ROR1: variants seen among roughly 807,000 people sequenced by gnomAD.
ROR1 encodes the protein ROR family WNT receptor 1.
ROR1 carries 19 observed loss-of-function variants against 78.8 expected under a neutral mutation model. That is an observed-to-expected ratio of 0.24 (90% confidence interval 0.17 to 0.35). The LOEUF (loss-of-function observed/expected upper bound fraction) is 0.35. Among genes scored for constraint, ROR1 ranks in the 10% least tolerant of loss-of-function variants. The pLI is 1.00. For missense variants in ROR1, 917 were observed against 1,177.8 expected, an observed-to-expected ratio of 0.78 and a Z score of 3.24; for synonymous variants, 386 against 433.6, an observed-to-expected ratio of 0.89 and a Z score of 1.36.
chr1:64,032,913 T>G (rs868154398), intron 2 of ROR1, among the ~76,000 whole-genome samples: 13 of 151,756 alleles, frequency 8.6e-5, no homozygotes, highest in African/African-American at 2.4e-5. Flanking sequence ...GTACCTAGAG[T>G]AGTGAAATTG....
At position 63,847,871 on chromosome 1, in the gene ROR1, G is replaced by A. The variant is rs568858465; in HGVS notation, c.91+73363G>A. ...TCTACTCATCGGTTAGATGGTGCAT[G>A]GGGATGATTCTTCTGTGATGTGGAG... is the stretch of plus-strand genomic sequence containing the variant. On this transcript the variant is annotated intron_variant, in intron 1 of 8. Coordinates refer to ENST00000371079, the MANE Select transcript of ROR1 (RefSeq NM_005012.4). 2.6e-5 allele frequency among the ~76,000 whole-genome samples: 4 copies of A among 152,276 alleles called. No individual in the cohort carries two copies. In the South Asian group the frequency reaches 6.2e-4, roughly 24 times the overall value.
intron 1 of ROR1, among the ~76,000 whole-genome samples, chr1:63,784,861 G>T (rs959576177): frequency 1.3e-5 from 2 of 152,202 alleles, no homozygotes; most frequent in Non-Finnish European, 2.9e-5. Context: ...CTTCCTTTAA[G>T]ATTTTTCACA....
intron 4 of ROR1, among the ~76,000 whole-genome samples, chr1:64,096,836 G>A (rs1156289017): frequency 6.6e-6 from 1 of 151,742 alleles, no homozygotes; most frequent in East Asian, 1.9e-4. Flanking sequence ...TTCCACAGTG[G>A]TTGAACTAAT....
At chr1:64,174,078 C>T (rs1455018013) in intron 8 of ROR1, among the ~76,000 whole-genome samples, 1 of 152,062 alleles carries the variant, frequency 6.6e-6, no homozygotes, top group African/African-American at 2.4e-5. Context: ...GGATCTAAAT[C>T]ATTTGCATTA....
chr1:64,115,569 T>C lies in ROR1; in HGVS notation c.483-21800T>C, dbSNP rs1037103197. On this transcript the variant is annotated intron_variant, in intron 4 of 8. Coordinates refer to ENST00000371079, the MANE Select transcript of ROR1 (RefSeq NM_005012.4). ...AAGAGGGTAAATAGAACTTACCTCT[T>C]ATGGTTGTAACGATAAATAAATAAG... is the stretch of plus-strand genomic sequence containing the variant. Among the ~76,000 whole-genome samples the C allele has an allele frequency of 6.6e-5, 10 of 151,888 alleles. No homozygotes were observed. In the East Asian group the frequency reaches 1.7e-3, roughly 26 times the overall value.
At chr1:63,826,118 G>A (rs1193355807) in intron 1 of ROR1, among the ~76,000 whole-genome samples, 2 of 152,144 alleles carry the variant, frequency 1.3e-5, no homozygotes, top group Admixed American at 1.3e-4. Flanking sequence ...TTAAGTTCAG[G>A]GGTACATGCA....
rs150653612 is a variant in ROR1, at chr1:63,886,299, G to A, written c.91+111791G>A. ...AGGCCATGGACTAGTACTAGTCGTG[G>A]CCCTGGAAGCTGGGGACCCCTGTGT... On this transcript the variant is annotated intron_variant, in intron 1 of 8. Coordinates refer to ENST00000371079, the MANE Select transcript of ROR1 (RefSeq NM_005012.4). Among the ~76,000 whole-genome samples the A allele has an allele frequency of 3.2e-3, 488 of 152,294 alleles. 3 individuals carry two copies. Among genetic ancestry groups the A allele is most frequent in the African/African-American group, 0.011 (458 of 41,566 alleles).
At chr1:63,942,166 G>T (rs911723504) in intron 1 of ROR1, among the ~76,000 whole-genome samples, 7 of 151,570 alleles carry the variant, frequency 4.6e-5, no homozygotes, top group Non-Finnish European at 1.0e-4. Context: ...TTTAGAAAGT[G>T]TAAGGGCTCT....
rs573277492 is a variant in ROR1, at chr1:64,167,366, A to G, written c.1386+8174A>G. ...TATCAGAAAGTTACGTTATAGAGAA[A>G]AGAAATGCTTCTGAAGTTAAATCAC... On this transcript the variant is annotated intron_variant, in intron 8 of 8. Coordinates refer to ENST00000371079, the MANE Select transcript of ROR1 (RefSeq NM_005012.4). Among the ~76,000 whole-genome samples the G allele has an allele frequency of 3.3e-4, 50 of 152,324 alleles. No homozygotes were observed. In the South Asian group the frequency reaches 0.01, roughly 32 times the overall value.
intron 1 of ROR1, among the ~76,000 whole-genome samples, chr1:63,784,325 C>A (rs1199349935): frequency 6.6e-6 from 1 of 152,162 alleles, no homozygotes; most frequent in Non-Finnish European, 1.5e-5. Flanking sequence ...GCCCATTGAA[C>A]TTTCTGCTCT....
chr1:63,788,886 T>C, intron 1 of ROR1: 1 of 879,900 alleles, frequency 1.1e-6, no homozygotes. Context: ...TGTGGATGTG[T>C]TCCATGAGAA....
intron 1 of ROR1, among the ~76,000 whole-genome samples, chr1:63,805,233 G>T (rs1405444816): frequency 6.6e-6 from 1 of 152,208 alleles, no homozygotes; most frequent in Non-Finnish European, 1.5e-5. Context: ...ATCAGGGAGG[G>T]GAAGGAACGA....
rs544172122 is a variant in ROR1 at position 64,015,823 on chromosome 1, A to G, written c.163+6447A>G. 2.6e-5 allele frequency among the ~76,000 whole-genome samples: 4 copies of G among 152,204 alleles called. No individual in the cohort carries two copies. In the East Asian group the frequency reaches 5.8e-4, roughly 22 times the overall value. On this transcript the variant is annotated intron_variant, in intron 2 of 8. Coordinates refer to ENST00000371079, the MANE Select transcript of ROR1 (RefSeq NM_005012.4). ...ACATCTTTCTAATATTGATAGCACC[A>G]TTTTCTTTAAAGGTTGTCACCTTGC...
At chr1:63,848,800 G>A (rs1645097004) in intron 1 of ROR1, among the ~76,000 whole-genome samples, 1 of 152,134 alleles carries the variant, frequency 6.6e-6, no homozygotes, top group Non-Finnish European at 1.5e-5. Flanking sequence ...TGAAATCGTG[G>A]TTATCATCCT....
At chr1:63,843,568 T>G in intron 1 of ROR1, 3 of 727,892 alleles carry the variant, frequency 4.1e-6, no homozygotes. Flanking sequence ...TTGTCCTCAC[T>G]AAGGCAGAAG....
chr1:63,936,989 T>C (rs750320762), intron 1 of ROR1, among the ~76,000 whole-genome samples: 4 of 152,218 alleles, frequency 2.6e-5, no homozygotes, highest in Admixed American at 6.5e-5. Flanking sequence ...GTTTTTATTA[T>C]GTGTCCAGTG....
chr1:64,136,210 T>C (rs1207404066), intron 4 of ROR1, among the ~76,000 whole-genome samples: 1 of 152,090 alleles, frequency 6.6e-6, no homozygotes, highest in Non-Finnish European at 1.5e-5. Flanking sequence ...TGTGTCCAAC[T>C]TGTAGATGAG....
rs780013707 is a variant in ROR1, at chr1:64,137,524, G to C, written c.610+28G>C. 2.5e-6 allele frequency: 4 copies of C among 1,600,202 alleles called. No individual in the cohort carries two copies. The East Asian group carries it at 9.0e-5, about 36-fold the overall frequency. ...AGGTAGCACCAATGAAATTATATTTGTCCCTTGAATAACTATTTTTCTCGC... is the reference window on the plus strand; with the variant it reads ...AGGTAGCACCAATGAAATTATATTTCTCCCTTGAATAACTATTTTTCTCGC... On this transcript the variant is annotated intron_variant, in intron 5 of 8. Transcript: ENST00000371079.
intron 8 of ROR1, among the ~76,000 whole-genome samples, chr1:64,163,957 T>C (rs1344864490): frequency 1.3e-5 from 2 of 152,216 alleles, no homozygotes; most frequent in Admixed American, 6.5e-5. Flanking sequence ...TGATGTTATT[T>C]AATCCAGTGA....
Sources: gnomAD v4.1 joint callset for allele counts (sites outside exome capture counted in the v4.1 genomes callset) on GRCh38, gnomAD v4.1.1 for gene constraint, MANE v1.5 for transcripts, NCBI Gene and HGNC (gene_info 2026-07-23, HGNC 2026-07-21) for gene names.